The following TCERG1L variants were observed in gnomAD, a reference collection of about 807,000 sequenced individuals.
TCERG1L encodes transcription elongation regulator 1-like protein.
A neutral mutation model predicts 56.3 loss-of-function variants in TCERG1L; 37 were observed. The ratio of observed to expected loss-of-function variants is 0.66; its 90% confidence interval spans 0.51 to 0.87. The LOEUF is 0.87. TCERG1L is among the 40% of genes least tolerant of loss of function. TCERG1L has a pLI of 0.00. For missense variants in TCERG1L, 799 were observed against 774.2 expected (o/e 1.03, Z -0.38); for synonymous variants, 324 against 326.3 (o/e 0.99, Z 0.08).
chr10:131,301,727 T>G (rs1339782553), intron 3 of TCERG1L, among the ~76,000 whole-genome samples: 1 of 151,012 alleles, frequency 6.6e-6, no homozygotes, highest in Non-Finnish European at 1.5e-5. Flanking sequence ...AATAACCATA[T>G]AAAACAAAAG....
At chr10:131,308,447 A>G (rs1426119679) in intron 2 of TCERG1L, 56 bp from the exon 3 acceptor site, 60 of 1,454,702 alleles carry the variant, frequency 4.1e-5, no homozygotes, top group Non-Finnish European at 4.7e-5. Context: ...ATAAAAGCTG[A>G]GCATGACCAT....
intron 4 of TCERG1L, among the ~76,000 whole-genome samples, chr10:131,230,720 G>A (rs1026374953): frequency 1.1e-4 from 16 of 152,164 alleles, no homozygotes; most frequent in African/African-American, 3.6e-4. Flanking sequence ...CAAACCTCAG[G>A]CATCTCCAGG....
intron 3 of TCERG1L, among the ~76,000 whole-genome samples, chr10:131,291,207 A>C (rs1530067): frequency 0.76 from 115,142 of 151,746 alleles, 44,293 homozygotes; most frequent in Non-Finnish European, 0.82. Flanking sequence ...TATAACAATG[A>C]TTGTAAAATT....
At chr10:131,220,389 C>T (rs562310875) in intron 4 of TCERG1L, among the ~76,000 whole-genome samples, 11 of 152,316 alleles carry the variant, frequency 7.2e-5, no homozygotes, top group South Asian at 2.1e-4. Context: ...GTCTGCAGGA[C>T]GCAGGACTGA....
At position 131,256,956 on chromosome 10, in the gene TCERG1L, G is replaced by A. The variant is rs377394218; in HGVS notation, c.856+3303C>T. On this transcript the variant is annotated intron_variant, in intron 4 of 11. Transcript: ENST00000368642. ...GGGAGGGAGGAAGAGAAAGAAGGAA[G>A]GAAGGAAGGAAGGAAGGAAGGAAGG... Among the ~76,000 whole-genome samples, 8 of 40,180 alleles carry A rather than the reference G, an allele frequency of 2.0e-4. No individual in the cohort carries two copies. In the East Asian group the frequency reaches 4.5e-3, roughly 22 times the overall value. The allele number at this position is 40,180 out of a possible 152,430, so 26.4% of individuals were successfully genotyped here. A position where few individuals can be genotyped will look rare whatever the true frequency, so the allele number is the denominator to read the frequency against.
At chr10:131,100,726 T>A (rs1845296870) in intron 10 of TCERG1L, among the ~76,000 whole-genome samples, 1 of 152,246 alleles carries the variant, frequency 6.6e-6, no homozygotes, top group Non-Finnish European at 1.5e-5. Context: ...ACCAGGGGCC[T>A]TAGCTTTCCC....
chr10:131,202,981 T>C lies in TCERG1L; in HGVS notation c.857-36096A>G, dbSNP rs530914908. Reference sequence around the variant, plus strand: ...ACCAGGTGCCATCCTAAGTGGAAGTTTGAGTGAAGAGGTTTATTCTGGTTC... The same window carrying C: ...ACCAGGTGCCATCCTAAGTGGAAGTCTGAGTGAAGAGGTTTATTCTGGTTC... On this transcript the variant is annotated intron_variant, in intron 4 of 11. Transcript: ENST00000368642. Among the ~76,000 whole-genome samples, 9 of 152,314 alleles carry C rather than the reference T, an allele frequency of 5.9e-5. No homozygotes were observed. In the East Asian group the frequency reaches 1.2e-3, roughly 20 times the overall value.
At chr10:131,245,844 G>C (rs1846028753) in intron 4 of TCERG1L, among the ~76,000 whole-genome samples, 1 of 152,204 alleles carries the variant, frequency 6.6e-6, no homozygotes, top group African/African-American at 2.4e-5. Flanking sequence ...CCTCATGGAA[G>C]GGCTGGCCAG....
At chr10:131,224,674 C>T (rs758492242) in intron 4 of TCERG1L, among the ~76,000 whole-genome samples, 1 of 152,168 alleles carries the variant, frequency 6.6e-6, no homozygotes, top group Non-Finnish European at 1.5e-5. Flanking sequence ...CCTCACTGGA[C>T]CCCTGGGAGG....
intron 4 of TCERG1L, among the ~76,000 whole-genome samples, chr10:131,200,430 A>G (rs1248626178): frequency 6.6e-6 from 1 of 152,182 alleles, no homozygotes; most frequent in African/African-American, 2.4e-5. Context: ...GTGATTCTCA[A>G]ACCTCGAGAT....
chr10:131,138,125 C>T (rs1388277136), intron 7 of TCERG1L, among the ~76,000 whole-genome samples: 3 of 152,100 alleles, frequency 2.0e-5, no homozygotes, highest in Non-Finnish European at 4.4e-5. Flanking sequence ...AAAAATTAGC[C>T]GGGTGTGGTG....
At chr10:131,224,970 C>T (rs1845776640) in intron 4 of TCERG1L, among the ~76,000 whole-genome samples, 1 of 152,156 alleles carries the variant, frequency 6.6e-6, no homozygotes. Context: ...GACCATCGGC[C>T]CGCAGTGTGG....
chr10:131,282,940 T>C (rs1244727437), intron 3 of TCERG1L, among the ~76,000 whole-genome samples: 1 of 152,252 alleles, frequency 6.6e-6, no homozygotes, highest in African/African-American at 2.4e-5. Context: ...ACCCTAACTT[T>C]CTAAGAAAAT....
At chr10:131,177,569 C>T (rs1016068603) in intron 4 of TCERG1L, among the ~76,000 whole-genome samples, 1 of 152,248 alleles carries the variant, frequency 6.6e-6, no homozygotes, top group African/African-American at 2.4e-5. Context: ...TGCAGCATGC[C>T]CATCTGCAGT....
chr10:131,106,899 C>T (rs1468869500), intron 9 of TCERG1L, among the ~76,000 whole-genome samples: 7 of 152,154 alleles, frequency 4.6e-5, no homozygotes, highest in East Asian at 1.9e-4. Flanking sequence ...TTCTGTAATA[C>T]CCACGAGCTC....
intron 4 of TCERG1L, among the ~76,000 whole-genome samples, chr10:131,211,016 T>C (rs1386992075): frequency 6.6e-6 from 1 of 152,226 alleles, no homozygotes; most frequent in Non-Finnish European, 1.5e-5. Flanking sequence ...TCTAAGGACA[T>C]TGTCCCATCT....
intron 7 of TCERG1L, among the ~76,000 whole-genome samples, chr10:131,140,024 G>C (rs1417684485): frequency 6.6e-6 from 1 of 152,188 alleles, no homozygotes; most frequent in Non-Finnish European, 1.5e-5. Context: ...AGTCTTCTTA[G>C]AGAGGGTAGG....
intron 6 of TCERG1L, chr10:131,161,556 G>A (rs546490412): frequency 1.8e-4 from 27 of 152,166 alleles, no homozygotes; most frequent in Admixed American, 1.4e-3. Flanking sequence ...CTGAGGCTGC[G>A]CAAATGAAAT....
chr10:131,177,955 T>C (rs922740452), intron 4 of TCERG1L, among the ~76,000 whole-genome samples: 49 of 151,918 alleles, frequency 3.2e-4, no homozygotes, highest in African/African-American at 1.1e-3. Context: ...GTTTCCACTT[T>C]ACTTTTTCTC....
Sources: gnomAD v4.1 joint callset for allele counts (sites outside exome capture counted in the v4.1 genomes callset) on GRCh38, gnomAD v4.1.1 for gene constraint, MANE v1.5 for transcripts, NCBI Gene and HGNC (gene_info 2026-07-23, HGNC 2026-07-21) for gene names.